The following CERS2 variants were observed in gnomAD, a reference collection of about 807,000 sequenced individuals.
The protein encoded by CERS2 is ceramide synthase 2, also known as LAG1 homolog, ceramide synthase 2.
In CERS2, 20 loss-of-function variants were observed where a neutral mutation model predicts 56.6. That is an observed-to-expected ratio of 0.35 (90% CI 0.25 to 0.51). The LOEUF (loss-of-function observed/expected upper bound fraction) is 0.51. Ranked by LOEUF, CERS2 falls within the 20% of genes least tolerant of loss-of-function variation. CERS2 has a pLI of 0.96. For missense variants in CERS2, 361 were observed against 488.6 expected (o/e 0.74, Z 2.46); for synonymous variants, 187 against 175.4 (o/e 1.07, Z -0.52).
At chr1:150,967,639 C>T in intron 6 of CERS2, 25 bp downstream of exon 6, 1 of 1,599,452 alleles carries the variant, frequency 6.3e-7, no homozygotes, top group South Asian at 1.1e-5. Flanking sequence ...TAGTCCACCC[C>T]CACATGAGGA....
In CERS2 at chr1:150,966,747, C is replaced by T. The variant is rs758024201; in HGVS notation, c.848+9G>A. ...TCAGAACAGGAGTGTAGCCTAGCTG[C>T]CTACTCACCAGAAGGGCAGGATGAC... On this transcript the variant is annotated intron_variant, in intron 9 of 10. Transcript: ENST00000368954. 3.7e-6 allele frequency: 6 copies of T among 1,608,078 alleles called. No homozygotes were observed. The highest frequency in any genetic ancestry group is 1.7e-4 in the Middle Eastern group (1 of 6,058).
intron 1 of CERS2, chr1:150,973,011 TAGAA>T (rs1042383707): frequency 1.4e-4 from 22 of 151,842 alleles, no homozygotes; most frequent in Admixed American, 2.6e-4. Context: ...CTGAGGAAAA[TAGAA>T]AGGAGTTGTT....
chr1:150,970,937 G>A (rs113529905), intron 1 of CERS2, among the ~76,000 whole-genome samples: 2 of 152,132 alleles, frequency 1.3e-5, no homozygotes, highest in African/African-American at 2.4e-5. Flanking sequence ...ACTGAAAGAC[G>A]AACAACATGG....
intron 1 of CERS2, chr1:150,974,269 G>A (rs962099178): frequency 3.3e-5 from 5 of 152,104 alleles, no homozygotes; most frequent in Non-Finnish European, 7.3e-5. Context: ...GGAAGCCCAC[G>A]GCTCGGCCCC....
rs1671034296 is a variant in CERS2 at position 150,966,853 on chromosome 1, T to C, written c.751A>G (p.Met251Val). The change falls in exon 9 of 11, where the codon ATG (methionine) becomes GTG (valine). Residue 251 changes from methionine (M) to valine (V), a missense_variant. Coordinates refer to ENST00000368954, the MANE Select transcript of CERS2 (RefSeq NM_022075.5). ...TTCTTCCATCCCGCGTAGTTAAACATCTTGGCTGACTGCATAGAGAGCCCC... is the reference window on the plus strand; with the variant it reads ...TTCTTCCATCCCGCGTAGTTAAACACCTTGGCTGACTGCATAGAGAGCCCC... ...SSDYLLESAK[M>V]FNYAGWKNTC... 1 of 1,613,204 alleles carries C rather than the reference T, an allele frequency of 6.2e-7. No homozygotes were observed.
chr1:150,966,205 G>A lies in CERS2; in HGVS notation c.1086C>T (p.Ser362=), dbSNP rs767189622. 1 of 1,606,990 alleles carries A rather than the reference G, an allele frequency of 6.2e-7. No homozygotes were observed. Among genetic ancestry groups the A allele is most frequent in the Non-Finnish European group, 8.5e-7 (1 of 1,178,066 alleles). The change falls in exon 11 of 11, where the codon AGC becomes AGT. Residue 362 remains serine (S), a synonymous_variant. Coordinates refer to ENST00000368954, the MANE Select transcript of CERS2 (RefSeq NM_022075.5). ...TGGGGTGGCCATTGGCTAGGGGCCG[G>A]CTCTTTGCTCCTCCCCCAGCTGCAG... ...EEAAAGGGAK[S]RPLANGHPIL... is the part of the protein sequence containing the mutation.
At chr1:150,966,427 G>A in intron 10 of CERS2, 49 bp downstream of exon 10, 1 of 1,606,406 alleles carries the variant, frequency 6.2e-7, no homozygotes, top group South Asian at 1.1e-5. Flanking sequence ...TGGGAGTTCA[G>A]GAAGTTGTAG....
rs1671067818 is a variant in CERS2, at chr1:150,967,866, G to A, written c.422C>T (p.Thr141Ile). 2.5e-6 allele frequency: 4 copies of A among 1,613,552 alleles called. No homozygotes were observed. The highest frequency in any genetic ancestry group is 2.7e-5 in the African/African-American group (2 of 75,028). Residue 141 changes from threonine (T) to isoleucine (I), a missense_variant, in exon 5 of 11, where the codon ACA becomes ATA. By Grantham distance (89) the Thr-to-Ile change is moderately conservative. Transcript: ENST00000368954. ...GGCAATGAAGGCAATCAGGTAAAAT[G>A]TGAATCTCCAGCTGGCAGAGGAAGC... The part of the protein sequence containing the change: ...KKFREASWRF[T>I]FYLIAFIAGM...
chr1:150,974,454 C>G (rs1027662636), intron 1 of CERS2, 165 bp downstream of exon 1: 11 of 149,414 alleles, frequency 7.4e-5, no homozygotes, highest in Admixed American at 4.0e-4. Context: ...GCGCCCGCAG[C>G]GCCCCCCGCC....
chr1:150,966,323 G>A, intron 10 of CERS2, 35 bp from the exon 11 acceptor site: 1 of 1,609,322 alleles, frequency 6.2e-7, no homozygotes, highest in East Asian at 2.2e-5. Context: ...TATTACATGA[G>A]ATCCTCAAAC....
In CERS2 at chr1:150,974,679, T is replaced by C. The variant is rs1671276578; in HGVS notation, c.-62A>G. On this transcript the variant is annotated 5_prime_UTR_variant, in exon 1 of 11. Coordinates refer to ENST00000368954, the MANE Select transcript of CERS2 (RefSeq NM_022075.5). ...CCGTGTACTCCGTCTGCTCGGGTGG[T>C]TGCTCCGAGGCCCCGAGGCCTGGCT... 6.7e-6 allele frequency: 1 copy of C among 148,816 alleles called. No individual in the cohort carries two copies. Among genetic ancestry groups the C allele is most frequent in the Admixed American group, 6.7e-5 (1 of 14,986 alleles). The allele number at this position is 148,816 out of a possible 1,614,324, so 9.2% of individuals were successfully genotyped here.
At chr1:150,967,940 T>G in intron 4 of CERS2, 63 bp from the exon 5 acceptor site, 2 of 1,408,732 alleles carry the variant, frequency 1.4e-6, no homozygotes, top group Non-Finnish European at 2.0e-6. Flanking sequence ...AGCCCCCAAA[T>G]ACCTGCAGAT....
chr1:150,969,071 T>C lies in CERS2; in HGVS notation c.20A>G (p.Asp7Gly). The change falls in exon 2 of 11, where the codon GAT becomes GGT. Residue 7 changes from aspartate to glycine, a missense_variant. Asp to Gly is a moderately conservative substitution (Grantham distance 94). Coordinates refer to ENST00000368954, the MANE Select transcript of CERS2 (RefSeq NM_022075.5). MLQTLY[D>G]YFWWERLWLP... ...CCACAGACGTTCCCACCAGAAGTAATCATACAAGGTCTGGAGCATCCTGAG... is the reference window on the plus strand; with the variant it reads ...CCACAGACGTTCCCACCAGAAGTAACCATACAAGGTCTGGAGCATCCTGAG... 6.2e-7 allele frequency: 1 copy of C among 1,613,742 alleles called. No individual in the cohort carries two copies. Among genetic ancestry groups the C allele is most frequent in the Non-Finnish European group, 8.5e-7 (1 of 1,179,996 alleles).
intron 7 of CERS2, 22 bp from the exon 8 acceptor site, chr1:150,967,224 C>T: frequency 6.2e-7 from 1 of 1,612,666 alleles, no homozygotes; most frequent in Non-Finnish European, 8.5e-7. Flanking sequence ...ATGCAGGCCC[C>T]AGGGCCTTTT....
At position 150,966,456 on chromosome 1, in the gene CERS2, C is replaced by T. The variant is rs745874646; in HGVS notation, c.1002+20G>A. 4.3e-6 allele frequency: 7 copies of T among 1,613,740 alleles called. No individual in the cohort carries two copies. In the African/African-American group the frequency reaches 9.3e-5, roughly 22 times the overall value. ...GTTGTAGAGAGTAGTAAGGCCTACACAATGGGAACAGGGCTTCACCTTTCC... is the reference window on the plus strand; with the variant it reads ...GTTGTAGAGAGTAGTAAGGCCTACATAATGGGAACAGGGCTTCACCTTTCC... On this transcript the variant is annotated intron_variant, in intron 10 of 10. Transcript: ENST00000368954.
chr1:150,968,562 G>T lies in CERS2; in HGVS notation c.174-50C>A. The T allele has an allele frequency of 6.3e-6, 9 of 1,437,568 alleles. No homozygotes were observed. In the Admixed American group the frequency reaches 1.0e-4, roughly 16 times the overall value. 89.1% of individuals were successfully genotyped at this position (1,437,568 alleles called of 1,614,324 possible). A position where few individuals can be genotyped will look rare whatever the true frequency, so the allele number is the denominator to read the frequency against. ...ATCTAGCTTGCTGGGAAGGGAAAGGGCTGCAAGCTAAGGCAACTTTACCCT... is the reference window on the plus strand; with the variant it reads ...ATCTAGCTTGCTGGGAAGGGAAAGGTCTGCAAGCTAAGGCAACTTTACCCT... On this transcript the variant is annotated intron_variant, in intron 2 of 10. Coordinates refer to ENST00000368954, the MANE Select transcript of CERS2 (RefSeq NM_022075.5).
Position 150,966,756 on chromosome 1 carries a change from CAGA to C in CERS2, c.845_847del (p.Phe282del), listed in dbSNP as rs752485146. 1 of 1,612,712 alleles carries C rather than the reference CAGA, an allele frequency of 6.2e-7. No homozygotes were observed. The highest frequency in any genetic ancestry group is 8.5e-7 in the Non-Finnish European group (1 of 1,178,794). The stretch of plus-strand genomic sequence containing the variant: ...GAGTGTAGCCTAGCTGCCTACTCAC[CAGA>C]AGGGCAGGATGACCAGTCGGGTGAT... On this transcript the variant is annotated inframe_deletion and splice_region_variant, in exon 9 of 11. Coordinates refer to ENST00000368954, the MANE Select transcript of CERS2 (RefSeq NM_022075.5).
chr1:150,969,020 T>G lies in CERS2; in HGVS notation c.71A>C (p.Asp24Ala), dbSNP rs2102769822. The G allele has an allele frequency of 6.2e-7, 1 of 1,614,060 alleles. No homozygotes were observed. The highest frequency in any genetic ancestry group is 8.5e-7 in the Non-Finnish European group (1 of 1,180,016). ...LWLPVNLTWA[D>A]LEDRDGRVYA... Reference sequence around the variant, plus strand: ...GACACGTCCATCTCGGTCTTCTAGATCGGCCCAGGTCAAGTTCACAGGCAG... The same window carrying G: ...GACACGTCCATCTCGGTCTTCTAGAGCGGCCCAGGTCAAGTTCACAGGCAG... The change falls in exon 2 of 11, where the codon GAT (aspartate) becomes GCT (alanine). Residue 24 changes from aspartate (D) to alanine (A), a missense_variant. Asp to Ala is a moderately radical substitution (Grantham distance 126, BLOSUM62 -2). Around this residue, in one of 3 missense-constraint regions of CERS2, gnomAD observed 236 missense variants for 309.2 expected, o/e 0.76. Transcript: ENST00000368954.
chr1:150,971,996 T>G (rs1671192136), intron 1 of CERS2: 1 of 450,218 alleles, frequency 2.2e-6, no homozygotes, highest in Non-Finnish European at 4.7e-6. Context: ...GGCGGCAGGC[T>G]GGAGTCGCAG....
Sources: allele counts gnomAD v4.1 joint callset (sites outside exome capture counted in the v4.1 genomes callset), GRCh38; gene constraint gnomAD v4.1.1; regional missense constraint gnomAD v4.1.1; transcripts MANE v1.5; gene names NCBI Gene and HGNC (gene_info 2026-07-23, HGNC 2026-07-21).